COL28A1: variants seen among roughly 807,000 people sequenced by gnomAD.
COL28A1 encodes collagen type XXVIII alpha 1 chain, also known as collagen alpha-1(XXVIII) chain.
In COL28A1, 161 loss-of-function variants were observed where a neutral mutation model predicts 150.2. The ratio of observed to expected loss-of-function variants is 1.07; its 90% CI spans 0.94 to 1.22. The LOEUF is 1.22. Among genes scored for constraint, COL28A1 ranks in the 50% most tolerant of loss-of-function variants. The probability of loss-of-function intolerance (pLI) is 0.00; values close to 1 mark genes in which losing one functional copy is unlikely to be tolerated. For synonymous variants in COL28A1, 552 were observed against 469.7 expected, an observed-to-expected ratio of 1.18 and a Z score of -2.26; for missense variants, 1,617 against 1,388.3, an observed-to-expected ratio of 1.16 and a Z score of -2.62.
At chr7:7,360,630 T>C in intron 33 of COL28A1, 102 bp from the exon 34 acceptor site, 1 of 1,000,178 alleles carries the variant, frequency 1.0e-6, no homozygotes, top group Non-Finnish European at 1.5e-6. Context: ...CCATGCTGTG[T>C]TTCCCTAGCT....
intron 30 of COL28A1, among the ~76,000 whole-genome samples, chr7:7,376,940 C>T (rs1781585118): frequency 6.6e-6 from 1 of 152,116 alleles, no homozygotes; most frequent in South Asian, 2.1e-4. Flanking sequence ...TTTATTTTAG[C>T]CACACAATAC....
intron 27 of COL28A1, among the ~76,000 whole-genome samples, chr7:7,400,674 A>ATATC (rs1783123422): frequency 7.3e-6 from 1 of 136,748 alleles, no homozygotes; most frequent in Admixed American, 6.7e-5. Flanking sequence ...ACATATAATA[A>ATATC]TATCTCCCAG....
intron 4 of COL28A1, among the ~76,000 whole-genome samples, chr7:7,523,884 A>AC (rs1562908596): frequency 6.6e-6 from 1 of 152,034 alleles, no homozygotes; most frequent in Admixed American, 6.6e-5. Flanking sequence ...CACCAGGAAC[A>AC]CCCCCCAAAA....
At chr7:7,461,577 T>A (rs1787624837) in intron 15 of COL28A1, among the ~76,000 whole-genome samples, 1 of 152,100 alleles carries the variant, frequency 6.6e-6, no homozygotes, top group African/African-American at 2.4e-5. Context: ...GCCCTTCAGT[T>A]TGCACTGGAG....
At chr7:7,457,900 C>T (rs955137843) in intron 15 of COL28A1, among the ~76,000 whole-genome samples, 6 of 152,076 alleles carry the variant, frequency 3.9e-5, no homozygotes, top group East Asian at 1.9e-4. Flanking sequence ...ACATTAGGGC[C>T]GCAAAACTTT....
chr7:7,491,548 C>T (rs1171840969), intron 11 of COL28A1, among the ~76,000 whole-genome samples: 1 of 152,266 alleles, frequency 6.6e-6, no homozygotes, highest in Admixed American at 6.5e-5. Context: ...TTCAAGATTT[C>T]TGTTACTCAA....
chr7:7,339,415 T>G, the COL28A1 span, among the ~76,000 whole-genome samples: 8 of 152,276 alleles, frequency 5.3e-5, no homozygotes, highest in South Asian at 1.7e-3. Flanking sequence ...GATATAAACC[T>G]TACCAAACCT....
Position 7,477,154 on chromosome 7 carries a change from T to C in COL28A1, c.1191A>G (p.Pro397=), listed in dbSNP as rs1011670794. 1.5e-6 allele frequency: 2 copies of C among 1,334,738 alleles called. No individual in the cohort carries two copies. Among genetic ancestry groups the C allele is most frequent in the Non-Finnish European group, 2.2e-6 (2 of 924,668 alleles). 82.7% of individuals were successfully genotyped at this position (1,334,738 alleles called of 1,614,324 possible). The part of the protein sequence containing the change: ...QPGPRGPEGV[P]GERGLPGEGF... The stretch of plus-strand genomic sequence containing the variant: ...CTTCTCCGGGTAAGCCCCTCTCTCC[T>C]GGTACTCCCTCAGGACCACGGGGAC... The change falls in exon 14 of 35, where the codon CCA becomes CCG. Residue 397 remains proline (P), a synonymous_variant. Transcript: ENST00000399429.
At chr7:7,440,764 C>T (rs368770761) in intron 21 of COL28A1, 26 bp downstream of exon 21, 292 of 1,029,958 alleles carry the variant, frequency 2.8e-4, no homozygotes, top group East Asian at 1.2e-4. Flanking sequence ...CTCCTCAAAG[C>T]GTAAGTCAGA....
intron 33 of COL28A1, among the ~76,000 whole-genome samples, chr7:7,364,543 G>A (rs944926900): frequency 4.6e-5 from 7 of 152,162 alleles, no homozygotes; most frequent in Admixed American, 1.3e-4. Flanking sequence ...TTGTTCTTTC[G>A]TTAAGATGCT....
chr7:7,475,608 A>G (rs893117431), intron 14 of COL28A1, among the ~76,000 whole-genome samples: 1 of 152,192 alleles, frequency 6.6e-6, no homozygotes, highest in Non-Finnish European at 1.5e-5. Context: ...ACTATGAAAT[A>G]CCCTGGAATA....
At chr7:7,521,553 G>A (rs1583562378) in intron 5 of COL28A1, among the ~76,000 whole-genome samples, 2 of 152,288 alleles carry the variant, frequency 1.3e-5, no homozygotes, top group African/African-American at 4.8e-5. Flanking sequence ...TTTCTAGTAG[G>A]ATAAAGCTTT....
intron 18 of COL28A1, among the ~76,000 whole-genome samples, chr7:7,450,275 G>A (rs1325861611): frequency 6.6e-6 from 1 of 152,064 alleles, no homozygotes; most frequent in Non-Finnish European, 1.5e-5. Context: ...TTCCATGTGG[G>A]TTAAATCCCT....
intron 11 of COL28A1, among the ~76,000 whole-genome samples, chr7:7,504,911 ATT>A (rs1452095404): frequency 6.6e-6 from 1 of 152,148 alleles, no homozygotes; most frequent in Non-Finnish European, 1.5e-5. Context: ...CAAAATATAT[ATT>A]TTTTTCTTAC....
rs959781813 is a variant in COL28A1, at chr7:7,453,467, G to A, written c.1413C>T (p.Pro471=). ...GPIGPPGPQG[P]AGQGLPGSKG... ...TGGAACCAGGTAAGCCCTGTCCTGC[G>A]GGCCCTTGTGGACCAGGTGGACCAA... Residue 471 remains proline (P), a synonymous_variant, in exon 17 of 35, where the codon CCC becomes CCT. Transcript: ENST00000399429. 3.6e-5 allele frequency: 47 copies of A among 1,301,904 alleles called. No homozygotes were observed. Among genetic ancestry groups the A allele is most frequent in the Non-Finnish European group, 4.8e-5 (43 of 896,794 alleles). The allele number at this position is 1,301,904 out of a possible 1,614,324, so 80.6% of individuals were successfully genotyped here.
chr7:7,469,585 T>C (rs1788259981), intron 15 of COL28A1, among the ~76,000 whole-genome samples: 1 of 95,560 alleles, frequency 1.0e-5, no homozygotes, highest in Non-Finnish European at 2.0e-5. Flanking sequence ...CCAATGACTT[T>C]CTTCACAGAA....
chr7:7,535,395 C>T (rs1256365036), intron 1 of COL28A1, among the ~76,000 whole-genome samples: 3 of 151,998 alleles, frequency 2.0e-5, no homozygotes, highest in Non-Finnish European at 4.4e-5. Flanking sequence ...TGAATAAAGA[C>T]TTTATTCAAA....
chr7:7,516,707 C>T (rs1244547541), intron 7 of COL28A1, among the ~76,000 whole-genome samples: 1 of 152,160 alleles, frequency 6.6e-6, no homozygotes, highest in East Asian at 1.9e-4. Context: ...ACATGTGAGT[C>T]AGACTACAAA....
intron 27 of COL28A1, among the ~76,000 whole-genome samples, chr7:7,385,047 A>G (rs956218971): frequency 6.6e-6 from 1 of 152,216 alleles, no homozygotes; most frequent in Non-Finnish European, 1.5e-5. Context: ...ACTAGCAGCC[A>G]GCCCCCAGAG....
Sources: gnomAD v4.1 joint callset for allele counts (sites outside exome capture counted in the v4.1 genomes callset) on GRCh38, gnomAD v4.1.1 for gene constraint, MANE v1.5 for transcripts, NCBI Gene and HGNC (gene_info 2026-07-23, HGNC 2026-07-21) for gene names.